DNAJC7: variants seen among roughly 807,000 people sequenced by gnomAD.
The protein encoded by DNAJC7 is DnaJ heat shock protein family (Hsp40) member C7, also known as dnaJ homolog subfamily C member 7.
DNAJC7 carries 18 observed loss-of-function variants against 67.4 expected under a neutral mutation model. That is an observed-to-expected ratio of 0.27 (90% CI 0.18 to 0.40). The LOEUF (loss-of-function observed/expected upper bound fraction) is 0.40, where lower values mean the gene tolerates loss of function less well. Ranked by LOEUF, DNAJC7 falls within the 10% of genes least tolerant of loss-of-function variation. The pLI, the probability that DNAJC7 is intolerant of heterozygous loss-of-function variation, is 1.00. For missense variants in DNAJC7, 419 were observed against 613.8 expected, an observed-to-expected ratio of 0.68 and a Z score of 3.35; for synonymous variants, 220 against 207.8, an observed-to-expected ratio of 1.06 and a Z score of -0.50.
chr17:41,991,900 C>T (rs1401236585), intron 5 of DNAJC7, among the ~76,000 whole-genome samples: 4 of 152,180 alleles, frequency 2.6e-5, no homozygotes, highest in Non-Finnish European at 5.9e-5. Context: ...AGGTTGGTCT[C>T]GAACTCCTCG....
intron 2 of DNAJC7, among the ~76,000 whole-genome samples, chr17:41,997,635 A>G (rs2051697340): frequency 6.6e-6 from 1 of 152,034 alleles, no homozygotes; most frequent in Admixed American, 6.6e-5. Context: ...CTTAGAGGGC[A>G]TCTCCCTCCA....
chr17:42,013,173 A>G (rs1265692534), intron 1 of DNAJC7: 5 of 152,236 alleles, frequency 3.3e-5, no homozygotes, highest in African/African-American at 1.2e-4. Flanking sequence ...ACTGGGCTTA[A>G]GCGATCCTCT....
Position 41,987,800 on chromosome 17 carries a change from A to T in DNAJC7, c.1010+19T>A. 5 of 1,591,554 alleles carry T rather than the reference A, an allele frequency of 3.1e-6. No homozygotes were observed. Among genetic ancestry groups the T allele is most frequent in the Non-Finnish European group, 4.3e-6 (5 of 1,167,332 alleles). On this transcript the variant is annotated intron_variant, in intron 9 of 13. Transcript: ENST00000457167. ...CCAGCGGCAACTCCCTCTTCCCCCT[A>T]CCCATCAGAGGCACTTACCACTGAG... is the stretch of plus-strand genomic sequence containing the variant.
Position 42,006,796 on chromosome 17 carries a change from C to CAAAA in DNAJC7, c.78-6230_78-6227dup, listed in dbSNP as rs57155070. On this transcript the variant is annotated intron_variant, in intron 1 of 13. Transcript: ENST00000457167. ...TGGGCAACAGAGCAAGACTCCGTCTCAAAAAAAAAAAAAAAAAAAAAAGTC... is the reference window on the plus strand; with the variant it reads ...TGGGCAACAGAGCAAGACTCCGTCTCAAAAAAAAAAAAAAAAAAAAAAAAAAGTC... Among the ~76,000 whole-genome samples the CAAAA allele has an allele frequency of 1.5e-3, 36 of 23,334 alleles. 15 individuals carry two copies. The highest frequency in any genetic ancestry group is 6.8e-3 in the South Asian group (2 of 294). The allele number at this position is 23,334 out of a possible 152,430, so 15.3% of individuals were successfully genotyped here.
chr17:41,996,300 C>T lies in DNAJC7; in HGVS notation c.405+11G>A, dbSNP rs781823920. The T allele has an allele frequency of 6.2e-7, 1 of 1,612,786 alleles. No individual in the cohort carries two copies. The highest frequency in any genetic ancestry group is 1.1e-5 in the South Asian group (1 of 91,022). Reference sequence around the variant, plus strand: ...CTGCCTCTTTTGACAGAAACAGGATCAGACCCGTACCTCTTGTTGTGCCTG... The same window carrying T: ...CTGCCTCTTTTGACAGAAACAGGATTAGACCCGTACCTCTTGTTGTGCCTG... On this transcript the variant is annotated intron_variant, in intron 4 of 13. Transcript: ENST00000457167.
At chr17:42,016,989 G>A (rs2052316152) in intron 1 of DNAJC7, 4 of 1,259,108 alleles carry the variant, frequency 3.2e-6, no homozygotes, top group Non-Finnish European at 4.0e-6. Flanking sequence ...GAACGCGGGG[G>A]TCGGGGGCGA....
intron 1 of DNAJC7, chr17:42,003,427 GGC>G (rs782715791): frequency 5.3e-5 from 8 of 152,270 alleles, no homozygotes; most frequent in East Asian, 1.9e-4. Flanking sequence ...AACTGAACAA[GGC>G]TGCATCAGGA....
intron 3 of DNAJC7, 108 bp from the exon 4 acceptor site, chr17:41,996,532 T>A: frequency 1.1e-6 from 1 of 896,060 alleles, no homozygotes; most frequent in Non-Finnish European, 1.7e-6. Context: ...CCAGGCGCGG[T>A]GACTCACACC....
intron 12 of DNAJC7, 94 bp downstream of exon 12, chr17:41,981,761 G>A (rs782380220): frequency 1.5e-4 from 230 of 1,508,532 alleles, no homozygotes; most frequent in South Asian, 6.3e-4. Context: ...GATCAGATTT[G>A]GCCCAAATAG....
chr17:41,979,352 CA>C (rs200056843), intron 12 of DNAJC7, among the ~76,000 whole-genome samples: 16 of 148,332 alleles, frequency 1.1e-4, no homozygotes, highest in Admixed American at 1.3e-4. Context: ...AACATAACAA[CA>C]AAAAAAAATT....
intron 4 of DNAJC7, 96 bp downstream of exon 4, chr17:41,996,215 G>C (rs1726387789): frequency 3.3e-6 from 4 of 1,204,180 alleles, no homozygotes; most frequent in Admixed American, 2.1e-5. Flanking sequence ...GCTGATGGCA[G>C]AAGTGAGACT....
At position 41,997,170 on chromosome 17, in the gene DNAJC7, C is replaced by A; in HGVS notation, c.236G>T (p.Arg79Leu). ...CTGTTGTGCATCTCCAAGAGCTTCC[C>A]GGAACCTTCCAAGCATCATCAAGGT... ...AATLMMLGRF[R>L]EALGDAQQSV... is the part of the protein sequence containing the mutation. Residue 79 changes from arginine (R) to leucine (L), a missense_variant, in exon 3 of 14, where the codon CGG (arginine) becomes CTG (leucine). This residue lies in a region of DNAJC7 where 179 missense variants were observed against 249.7 expected (regional missense o/e 0.72). Transcript: ENST00000457167. 1 of 1,613,930 alleles carries A rather than the reference C, an allele frequency of 6.2e-7. No individual in the cohort carries two copies. Among genetic ancestry groups the A allele is most frequent in the South Asian group, 1.1e-5 (1 of 91,070 alleles).
rs151254204 is a variant in DNAJC7 at position 41,982,623 on chromosome 17, G to C, written c.1085-222C>G. On this transcript the variant is annotated intron_variant, in intron 10 of 13. Transcript: ENST00000457167. ...AGGCCTGCATCAATGAGAGATGCAG[G>C]TAAATGAGACAGAAAAGGGAACTCT... 4.5e-4 allele frequency among the ~76,000 whole-genome samples: 68 copies of C among 152,278 alleles called. 2 individuals carry two copies. In the East Asian group the frequency reaches 0.012, roughly 26 times the overall value.
At chr17:41,998,366 G>A (rs542009202) in intron 2 of DNAJC7, among the ~76,000 whole-genome samples, 1 of 152,286 alleles carries the variant, frequency 6.6e-6, no homozygotes, top group Admixed American at 6.5e-5. Context: ...CAGCTACTCA[G>A]GTGGCTAAGG....
intron 1 of DNAJC7, chr17:42,014,225 T>C (rs1555651492): frequency 1.3e-5 from 2 of 151,778 alleles, no homozygotes; most frequent in Non-Finnish European, 2.9e-5. Flanking sequence ...TGGAGTGCAA[T>C]GGTGTGACCT....
chr17:41,985,883 C>T (rs1435434328), intron 9 of DNAJC7: 2 of 152,078 alleles, frequency 1.3e-5, no homozygotes, highest in Non-Finnish European at 2.9e-5. Context: ...GAGGCAGAGC[C>T]ACTCCAAGAA....
At chr17:41,992,545 C>G (rs1189277133) in intron 5 of DNAJC7, 1 of 151,998 alleles carries the variant, frequency 6.6e-6, no homozygotes, top group Non-Finnish European at 1.5e-5. Context: ...ACTGTCCTGC[C>G]CCCCCAGATG....
intron 1 of DNAJC7, chr17:42,016,755 CG>C: frequency 5.5e-6 from 1 of 183,214 alleles, no homozygotes; most frequent in Admixed American, 5.6e-5. Flanking sequence ...AGGAGTCTGA[CG>C]TAGAGAACAC....
intron 3 of DNAJC7, among the ~76,000 whole-genome samples, 167 bp downstream of exon 3, chr17:41,996,948 A>G (rs981451342): frequency 1.3e-5 from 2 of 152,244 alleles, no homozygotes; most frequent in Admixed American, 6.5e-5. Flanking sequence ...CTCAGTGATT[A>G]AAAGTCAGAG....
Sources: gnomAD v4.1 joint callset for allele counts (sites outside exome capture counted in the v4.1 genomes callset) on GRCh38, gnomAD v4.1.1 for gene constraint, gnomAD v4.1.1 regional missense constraint, MANE v1.5 for transcripts, NCBI Gene and HGNC (gene_info 2026-07-23, HGNC 2026-07-21) for gene names.